The following KIRREL3 variants were observed in gnomAD, a reference collection of about 807,000 sequenced individuals.
KIRREL3 encodes the protein kin of IRRE-like protein 3.
In KIRREL3, 36 loss-of-function variants were observed where a neutral mutation model predicts 89.7. The ratio of observed to expected loss-of-function variants is 0.40; its 90% CI spans 0.31 to 0.53. KIRREL3 has a LOEUF of 0.53. KIRREL3 is among the 20% of genes least tolerant of loss of function. The pLI is 0.49. For synonymous variants in KIRREL3, 445 were observed against 441.4 expected, an observed-to-expected ratio of 1.01 and a Z score of -0.10; for missense variants, 864 against 1,056.6, an observed-to-expected ratio of 0.82 and a Z score of 2.53.
Position 126,991,930 on chromosome 11 carries a change from G to T in KIRREL3, c.55+8525C>A, listed in dbSNP as rs181141766. On this transcript the variant is annotated intron_variant, in intron 1 of 16. Transcript: ENST00000525144. This position sits in a 1 kb window ranked among gnomAD's most constrained non-coding sequence, Gnocchi z 5.8. ...CCAGACTGAAAATGACTTTAGTCAA[G>T]CAAAGTAACCTCTCTGGGGGTATGA... is the stretch of plus-strand genomic sequence containing the variant. Among the ~76,000 whole-genome samples, 2 of 152,318 alleles carry T rather than the reference G, an allele frequency of 1.3e-5. No individual in the cohort carries two copies. The highest frequency in any genetic ancestry group is 3.9e-4 in the East Asian group (2 of 5,182).
Position 126,515,083 on chromosome 11 carries a change from T to A in KIRREL3, c.433+6232A>T, listed in dbSNP as rs1958364784. ...GGAGACCCGGTGGGGGAAACAGACA[T>A]GAAAACAGTTACTCTCAACATAGCG... On this transcript the variant is annotated intron_variant, in intron 4 of 16. Transcript: ENST00000525144. This position sits in a 1 kb window ranked among gnomAD's most constrained non-coding sequence, Gnocchi z 4.2. 6.6e-6 allele frequency among the ~76,000 whole-genome samples: 1 copy of A among 152,172 alleles called. No homozygotes were observed.
chr11:126,526,722 G>T lies in KIRREL3; in HGVS notation c.134-35C>A, dbSNP rs962455304. 1.3e-6 allele frequency: 2 copies of T among 1,542,588 alleles called. No homozygotes were observed. The highest frequency in any genetic ancestry group is 2.0e-5 in the Admixed American group (1 of 50,868). On this transcript the variant is annotated intron_variant, in intron 2 of 16. Coordinates refer to ENST00000525144, the MANE Select transcript of KIRREL3 (RefSeq NM_032531.4). The surrounding 1 kb of genome is among the most constrained non-coding windows in gnomAD (Gnocchi z 5.7). ...AGACAAACACAATGGTCAGTTATCT[G>T]CCGGCTACAGGGGCGAGAAGGCTCC...
At position 126,987,614 on chromosome 11, in the gene KIRREL3, C is replaced by T. The variant is rs1346874066; in HGVS notation, c.55+12841G>A. On this transcript the variant is annotated intron_variant, in intron 1 of 16. Transcript: ENST00000525144. The surrounding 1 kb of genome is among the most constrained non-coding windows in gnomAD (Gnocchi z 4.6). ...CAAAGCTCATGCCCAGAGAAAGGAG[C>T]ATTGATATGGATTTGGAACCCAGGC... is the stretch of plus-strand genomic sequence containing the variant. Among the ~76,000 whole-genome samples the T allele has an allele frequency of 6.6e-6, 1 of 152,190 alleles. No homozygotes were observed. The highest frequency in any genetic ancestry group is 1.5e-5 in the Non-Finnish European group (1 of 68,036).
rs946178040 is a variant in KIRREL3 at position 126,900,428 on chromosome 11, A to G, written c.55+100027T>C. 7.2e-5 allele frequency among the ~76,000 whole-genome samples: 11 copies of G among 152,248 alleles called. No homozygotes were observed. Among genetic ancestry groups the G allele is most frequent in the Non-Finnish European group, 8.8e-5 (6 of 68,042 alleles). On this transcript the variant is annotated intron_variant, in intron 1 of 16. Transcript: ENST00000525144. This position sits in a 1 kb window ranked among gnomAD's most constrained non-coding sequence, Gnocchi z 4.4. ...AAGAAAGCCTGCATGTTTATTGATA[A>G]CAACCTGATAGGAATGCATATTCCT... is the stretch of plus-strand genomic sequence containing the variant.
rs1950281100 is a variant in KIRREL3, at chr11:126,780,048, G to T, written c.56-217136C>A. On this transcript the variant is annotated intron_variant, in intron 1 of 16. Coordinates refer to ENST00000525144, the MANE Select transcript of KIRREL3 (RefSeq NM_032531.4). The surrounding 1 kb of genome is among the most constrained non-coding windows in gnomAD (Gnocchi z 5.3). ...AGGGAGCCCCACGCTGTATCTGGAAGGGAGGACTGAACTTCAGAGGGAAAA... is the reference window on the plus strand; with the variant it reads ...AGGGAGCCCCACGCTGTATCTGGAATGGAGGACTGAACTTCAGAGGGAAAA... Among the ~76,000 whole-genome samples, 1 of 152,104 alleles carries T rather than the reference G, an allele frequency of 6.6e-6. No homozygotes were observed. Among genetic ancestry groups the T allele is most frequent in the Non-Finnish European group, 1.5e-5 (1 of 68,036 alleles).
Position 126,802,343 on chromosome 11 carries a change from C to T in KIRREL3, c.55+198112G>A, listed in dbSNP as rs1233848253. ...GGAGATGGCGTTAGTGCCAGGCGGC[C>T]CGTGGAGAAAAGCTTTCGCTATACT... On this transcript the variant is annotated intron_variant, in intron 1 of 16. Transcript: ENST00000525144. This position sits in a 1 kb window ranked among gnomAD's most constrained non-coding sequence, Gnocchi z 5.2. Among the ~76,000 whole-genome samples, 2 of 152,078 alleles carry T rather than the reference C, an allele frequency of 1.3e-5. No individual in the cohort carries two copies. The highest frequency in any genetic ancestry group is 1.9e-4 in the East Asian group (1 of 5,186).
intron 1 of KIRREL3, among the ~76,000 whole-genome samples, chr11:126,899,917 CAG>C (rs1946305774): frequency 6.6e-6 from 1 of 152,206 alleles, no homozygotes; most frequent in Admixed American, 6.5e-5. Flanking sequence ...CTCCTAGACA[CAG>C]AACATCTTCT....
intron 1 of KIRREL3, among the ~76,000 whole-genome samples, chr11:126,831,576 G>T (rs564372601): frequency 2.0e-5 from 3 of 152,062 alleles, no homozygotes; most frequent in Non-Finnish European, 4.4e-5. Context: ...AGAGGACCAA[G>T]ACACCTTAGA....
At position 126,748,729 on chromosome 11, in the gene KIRREL3, C is replaced by G; in HGVS notation, c.56-185817G>C. 6.6e-6 allele frequency among the ~76,000 whole-genome samples: 1 copy of G among 152,140 alleles called. No individual in the cohort carries two copies. The highest frequency in any genetic ancestry group is 1.5e-5 in the Non-Finnish European group (1 of 68,040). ...AACAAATGAGGATTAAACCAGGCCA[C>G]GTGTGCCATCCATCGCTGTGATAAA... On this transcript the variant is annotated intron_variant, in intron 1 of 16. Transcript: ENST00000525144. The surrounding 1 kb of genome is among the most constrained non-coding windows in gnomAD (Gnocchi z 4.6).
Position 126,977,269 on chromosome 11 carries a change from G to A in KIRREL3, c.55+23186C>T, listed in dbSNP as rs531907244. Among the ~76,000 whole-genome samples the A allele has an allele frequency of 1.6e-4, 25 of 152,054 alleles. 1 individual carries two copies. Among genetic ancestry groups the A allele is most frequent in the African/African-American group, 5.3e-4 (22 of 41,460 alleles). On this transcript the variant is annotated intron_variant, in intron 1 of 16. Transcript: ENST00000525144. This position sits in a 1 kb window ranked among gnomAD's most constrained non-coding sequence, Gnocchi z 4.7. ...ACTGAGCTCCTTGGAGAGTGTCTGC[G>A]CAGTCAGGTTGGTTTCTTCGGATGC...
chr11:126,853,782 T>C (rs1371987297), intron 1 of KIRREL3, among the ~76,000 whole-genome samples: 3 of 152,066 alleles, frequency 2.0e-5, no homozygotes, highest in African/African-American at 7.2e-5. Flanking sequence ...CCTTTCAAGG[T>C]CTCCGGCTCA....
chr11:126,613,958 C>A (rs991067141), intron 1 of KIRREL3, among the ~76,000 whole-genome samples: 1 of 139,080 alleles, frequency 7.2e-6, no homozygotes, highest in Non-Finnish European at 1.5e-5. Context: ...TCTAAACAGG[C>A]CTTGCTGAAT....
chr11:126,954,262 T>A lies in KIRREL3; in HGVS notation c.55+46193A>T, dbSNP rs1162273134. Among the ~76,000 whole-genome samples, 7 of 150,476 alleles carry A rather than the reference T, an allele frequency of 4.7e-5. No individual in the cohort carries two copies. The highest frequency in any genetic ancestry group is 1.0e-4 in the Non-Finnish European group (7 of 67,686). On this transcript the variant is annotated intron_variant, in intron 1 of 16. Transcript: ENST00000525144. This position sits in a 1 kb window ranked among gnomAD's most constrained non-coding sequence, Gnocchi z 4.1. ...AATTCTGGGAAGCTTTCATCAGGCC[T>A]CTTAAAAAAAAAAAAGCCCTGCCTC...
chr11:126,838,701 T>A (rs796789767), intron 1 of KIRREL3, among the ~76,000 whole-genome samples: 4 of 152,342 alleles, frequency 2.6e-5, no homozygotes, highest in African/African-American at 9.6e-5. Flanking sequence ...CTGAAATTAT[T>A]ATCTCAGACA....
chr11:126,648,362 G>A (rs2134961449), intron 1 of KIRREL3, among the ~76,000 whole-genome samples: 1 of 152,226 alleles, frequency 6.6e-6, no homozygotes, highest in African/African-American at 2.4e-5. Context: ...CCTGCCTCAG[G>A]GTCTTTGCAC....
chr11:126,841,462 A>G (rs984915910), intron 1 of KIRREL3, among the ~76,000 whole-genome samples: 1 of 152,184 alleles, frequency 6.6e-6, no homozygotes, highest in Non-Finnish European at 1.5e-5. Context: ...CCTCCTAAAA[A>G]AAGACTCTCC....
rs1193771898 is a variant in KIRREL3 at position 126,647,852 on chromosome 11, C to T, written c.56-84940G>A. 2.6e-5 allele frequency among the ~76,000 whole-genome samples: 4 copies of T among 152,204 alleles called. No individual in the cohort carries two copies. The highest frequency in any genetic ancestry group is 5.9e-5 in the Non-Finnish European group (4 of 68,034). On this transcript the variant is annotated intron_variant, in intron 1 of 16. Transcript: ENST00000525144. The surrounding 1 kb of genome is among the most constrained non-coding windows in gnomAD (Gnocchi z 4.9). Reference sequence around the variant, plus strand: ...CATTCCATCTCACTGAGAATGAAAGCCAACACCCTCTCCATGACTCATGGT... The same window carrying T: ...CATTCCATCTCACTGAGAATGAAAGTCAACACCCTCTCCATGACTCATGGT...
rs930084624 is a variant in KIRREL3, at chr11:126,739,901, AGTTTGACGG to A, written c.56-176998_56-176990del. 6.6e-6 allele frequency among the ~76,000 whole-genome samples: 1 copy of A among 152,204 alleles called. No homozygotes were observed. The highest frequency in any genetic ancestry group is 2.4e-5 in the African/African-American group (1 of 41,446). ...AGAATTTTGACACTGCACTTTGATC[AGTTTGACGG>A]GTTTAGTATTATAGAAATATTTCAT... On this transcript the variant is annotated intron_variant, in intron 1 of 16. Transcript: ENST00000525144. The surrounding 1 kb of genome is among the most constrained non-coding windows in gnomAD (Gnocchi z 5.5).
At chr11:126,951,729 A>G (rs539216033) in intron 1 of KIRREL3, among the ~76,000 whole-genome samples, 13 of 152,194 alleles carry the variant, frequency 8.5e-5, no homozygotes, top group Non-Finnish European at 1.3e-4. Flanking sequence ...TTGTTAATAT[A>G]TGAGATGCTG....
Sources: gnomAD v4.1 joint callset for allele counts (sites outside exome capture counted in the v4.1 genomes callset) on GRCh38, gnomAD v4.1.1 for gene constraint, Gnocchi (gnomAD v3.1) non-coding constraint, MANE v1.5 for transcripts, NCBI Gene and HGNC (gene_info 2026-07-23, HGNC 2026-07-21) for gene names.